The following COL22A1 variants were observed in gnomAD, a reference collection of about 807,000 sequenced individuals.
COL22A1 encodes collagen type XXII alpha 1 chain, also known as collagen alpha-1(XXII) chain.
Under a neutral mutation model 248.9 loss-of-function variants are expected in COL22A1, and 221 were observed. That is an observed-to-expected ratio of 0.89 (90% CI 0.80 to 0.99). The LOEUF (loss-of-function observed/expected upper bound fraction) is 0.99. Ranked by LOEUF, COL22A1 falls within the 50% of genes least tolerant of loss-of-function variation. COL22A1 has a pLI of 0.00. For missense variants in COL22A1, 2,240 were observed against 2,179.0 expected (o/e 1.03, Z -0.56); for synonymous variants, 891 against 793.4 (o/e 1.12, Z -2.07).
chr8:138,614,847 C>T (rs1351307310), intron 55 of COL22A1, among the ~76,000 whole-genome samples: 1 of 152,192 alleles, frequency 6.6e-6, no homozygotes, highest in Non-Finnish European at 1.5e-5. Context: ...CCTGAGTATC[C>T]TTTCCAGCTC....
rs182115759 is a variant in COL22A1 at position 138,825,497 on chromosome 8, C to T, written c.969+1161G>A. ...GCTCAGTTTCCTCATAACTGTGATGCTAACAGTAGAAAATATTCACAGAGT... is the reference window on the plus strand; with the variant it reads ...GCTCAGTTTCCTCATAACTGTGATGTTAACAGTAGAAAATATTCACAGAGT... On this transcript the variant is annotated intron_variant, in intron 6 of 64. Coordinates refer to ENST00000303045, the MANE Select transcript of COL22A1 (RefSeq NM_152888.3). 1.3e-3 allele frequency among the ~76,000 whole-genome samples: 200 copies of T among 152,290 alleles called. 1 individual carries two copies. The highest frequency in any genetic ancestry group is 2.2e-3 in the Non-Finnish European group (148 of 68,022).
At position 138,868,419 on chromosome 8, in the gene COL22A1, A is replaced by T. The variant is rs55720753; in HGVS notation, c.658+9331T>A. Among the ~76,000 whole-genome samples the T allele has an allele frequency of 9.9e-3, 1,511 of 152,296 alleles. 18 individuals carry two copies. Among genetic ancestry groups the T allele is most frequent in the African/African-American group, 0.032 (1,323 of 41,544 alleles). On this transcript the variant is annotated intron_variant, in intron 3 of 64. Transcript: ENST00000303045. Reference sequence around the variant, plus strand: ...AACAGCATACAGGGGTATATAATACATGTATGGTATTGCAGTTTCAGAGAA... The same window carrying T: ...AACAGCATACAGGGGTATATAATACTTGTATGGTATTGCAGTTTCAGAGAA...
rs181672477 is a variant in COL22A1 at position 138,666,167 on chromosome 8, T to C, written c.3151-2427A>G. On this transcript the variant is annotated intron_variant, in intron 41 of 64. Transcript: ENST00000303045. ...GATAAATCACCAGAATATAGCACAT[T>C]TGCTTCTCTCTTTCTCTTGAAATCT... Among the ~76,000 whole-genome samples, 3 of 152,338 alleles carry C rather than the reference T, an allele frequency of 2.0e-5. No individual in the cohort carries two copies. The East Asian group carries it at 5.8e-4, about 29-fold the overall frequency.
At chr8:138,719,476 T>C (rs1462906356) in intron 27 of COL22A1, among the ~76,000 whole-genome samples, 4 of 152,238 alleles carry the variant, frequency 2.6e-5, no homozygotes, top group African/African-American at 9.6e-5. Flanking sequence ...ATAGTGGCTC[T>C]TGGCAATACT....
chr8:138,630,767 A>G lies in COL22A1; in HGVS notation c.3610-19T>C. 2 of 1,613,022 alleles carry G rather than the reference A, an allele frequency of 1.2e-6. No individual in the cohort carries two copies. Among genetic ancestry groups the G allele is most frequent in the Non-Finnish European group, 1.7e-6 (2 of 1,179,224 alleles). ...CTGCCCCCTAAAAAAGACAAGGCAG[A>G]AAGCTAGTTTCTTGTGCATCTAGAC... On this transcript the variant is annotated intron_variant, in intron 49 of 64. Transcript: ENST00000303045.
chr8:138,873,431 G>C (rs996922105), intron 3 of COL22A1, among the ~76,000 whole-genome samples: 55 of 152,222 alleles, frequency 3.6e-4, no homozygotes, highest in African/African-American at 1.3e-3. Flanking sequence ...TAACTGTCAG[G>C]CCACTGCCCT....
chr8:138,609,487 C>T (rs181507460), intron 56 of COL22A1, among the ~76,000 whole-genome samples: 78 of 152,274 alleles, frequency 5.1e-4, no homozygotes, highest in Admixed American at 8.5e-4. Flanking sequence ...CCATCACAGA[C>T]CTGCCAGGGA....
At chr8:138,597,012 C>A in intron 61 of COL22A1, 42 bp from the exon 62 acceptor site, 1 of 1,554,748 alleles carries the variant, frequency 6.4e-7, no homozygotes, top group Non-Finnish European at 8.9e-7. Flanking sequence ...TTCCCAGTAA[C>A]TTCTGCCACC....
intron 37 of COL22A1, among the ~76,000 whole-genome samples, chr8:138,687,219 A>G (rs1348976367): frequency 6.6e-6 from 1 of 152,190 alleles, no homozygotes; most frequent in Non-Finnish European, 1.5e-5. Context: ...GGCCTCCGAA[A>G]GTACTGGGAT....
At chr8:138,687,208 T>C (rs1015456294) in intron 37 of COL22A1, among the ~76,000 whole-genome samples, 2 of 152,160 alleles carry the variant, frequency 1.3e-5, no homozygotes, top group African/African-American at 4.8e-5. Context: ...CTGCCTGCCT[T>C]GGCCTCCGAA....
At chr8:138,676,688 C>A (rs2130805636) in intron 40 of COL22A1, 53 bp from the exon 41 acceptor site, 2 of 1,287,858 alleles carry the variant, frequency 1.6e-6, no homozygotes, top group South Asian at 2.6e-5. Context: ...AAGGAGAGGG[C>A]TAGGGTACAA....
chr8:138,663,615 C>T (rs951638375), intron 42 of COL22A1, 90 bp downstream of exon 42: 16 of 958,088 alleles, frequency 1.7e-5, no homozygotes, highest in South Asian at 9.1e-5. Context: ...GAATCTACTT[C>T]AGTTTTTGGT....
intron 52 of COL22A1, 48 bp downstream of exon 52, chr8:138,623,684 T>A (rs1010518547): frequency 6.7e-7 from 1 of 1,490,118 alleles, no homozygotes; most frequent in Non-Finnish European, 9.2e-7. Flanking sequence ...GTTTTTGACA[T>A]GTAATAGATT....
At chr8:138,805,839 T>TGTGTGTTTTTGATG in intron 10 of COL22A1, among the ~76,000 whole-genome samples, 1 of 148,620 alleles carries the variant, frequency 6.7e-6, no homozygotes, top group South Asian at 2.2e-4. Context: ...TTTGATGGTG[T>TGTGTGTTTTTGATG]GTGTGTATGT....
rs571993464 is a variant in COL22A1, at chr8:138,688,863, C to T, written c.2862+54G>A. 2.6e-4 allele frequency: 388 copies of T among 1,482,808 alleles called. 5 individuals carry two copies. The South Asian group carries it at 4.2e-3, about 16-fold the overall frequency. The allele number at this position is 1,482,808 out of a possible 1,614,324, so 91.9% of individuals were successfully genotyped here. A position where few individuals can be genotyped will look rare whatever the true frequency, so the allele number is the denominator to read the frequency against. ...GCAGAGTGAGCTGCTCCTTCAGTGC[C>T]TGTAAGAAGTTAAGGATATTCACTT... On this transcript the variant is annotated intron_variant, in intron 37 of 64. Transcript: ENST00000303045.
At chr8:138,716,705 T>G in intron 28 of COL22A1, 120 bp downstream of exon 28, 1 of 743,192 alleles carries the variant, frequency 1.3e-6, no homozygotes, top group Non-Finnish European at 2.3e-6. Flanking sequence ...CCTGGACATA[T>G]AGTGAGCTCC....
In COL22A1 at chr8:138,796,661, A is replaced by G. The variant is rs537413071; in HGVS notation, c.1596+158T>C. ...AGTACATGCTTCAACCACCCAAGCC[A>G]TGGAGGACACACATTGAGGCCAGTT... is the stretch of plus-strand genomic sequence containing the variant. On this transcript the variant is annotated intron_variant, in intron 12 of 64. Coordinates refer to ENST00000303045, the MANE Select transcript of COL22A1 (RefSeq NM_152888.3). 1.1e-4 allele frequency among the ~76,000 whole-genome samples: 17 copies of G among 152,032 alleles called. No homozygotes were observed. In the South Asian group the frequency reaches 3.5e-3, roughly 32 times the overall value.
At chr8:138,843,843 G>A (rs1821050522) in intron 4 of COL22A1, among the ~76,000 whole-genome samples, 1 of 152,196 alleles carries the variant, frequency 6.6e-6, no homozygotes, top group Non-Finnish European at 1.5e-5. Flanking sequence ...ATTATTGAGT[G>A]ACTCCTATAG....
chr8:138,608,927 G>A (rs1190098824), intron 56 of COL22A1, among the ~76,000 whole-genome samples: 1 of 152,188 alleles, frequency 6.6e-6, no homozygotes, highest in Non-Finnish European at 1.5e-5. Context: ...CTCCTTGTGT[G>A]TCTCCAATGC....
Sources: allele counts gnomAD v4.1 joint callset (sites outside exome capture counted in the v4.1 genomes callset), GRCh38; gene constraint gnomAD v4.1.1; transcripts MANE v1.5; gene names NCBI Gene and HGNC (gene_info 2026-07-23, HGNC 2026-07-21).